CFDP1: variants seen among roughly 807,000 people sequenced by gnomAD.
CFDP1 encodes the protein heterochromatin-stabilizing protein CFDP1.
CFDP1 carries 31 observed loss-of-function variants against 40.1 expected under a neutral mutation model. The ratio of observed to expected loss-of-function variants is 0.77; its 90% CI spans 0.58 to 1.04. CFDP1 has a LOEUF of 1.04. Among genes scored for constraint, CFDP1 ranks in the 50% least tolerant of loss-of-function variants. The probability of loss-of-function intolerance (pLI) is 0.00; values close to 1 mark genes in which losing one functional copy is unlikely to be tolerated. For synonymous variants in CFDP1, 167 were observed against 120.0 expected, an observed-to-expected ratio of 1.39 and a Z score of -2.56; for missense variants, 423 against 343.4, an observed-to-expected ratio of 1.23 and a Z score of -1.83.
intron 1 of CFDP1, among the ~76,000 whole-genome samples, chr16:75,416,838 G>A (rs2079211921): frequency 8.6e-6 from 1 of 116,258 alleles, no homozygotes; most frequent in Admixed American, 1.0e-4. Context: ...ATTTGAGGCT[G>A]AGGTGGAAAC....
chr16:75,303,821 T>G lies in CFDP1; in HGVS notation c.809+1203A>C, dbSNP rs568927135. On this transcript the variant is annotated intron_variant, in intron 6 of 6. Coordinates refer to ENST00000283882, the MANE Select transcript of CFDP1 (RefSeq NM_006324.3). ...GAGGATGGTATCGTTATCCCAGTTTTATTGGTAAAGGAGCTGAGCCTCAGA... is the reference window on the plus strand; with the variant it reads ...GAGGATGGTATCGTTATCCCAGTTTGATTGGTAAAGGAGCTGAGCCTCAGA... Among the ~76,000 whole-genome samples, 20 of 152,298 alleles carry G rather than the reference T, an allele frequency of 1.3e-4. No individual in the cohort carries two copies. The South Asian group carries it at 1.9e-3, about 14-fold the overall frequency.
intron 4 of CFDP1, among the ~76,000 whole-genome samples, chr16:75,396,958 G>C (rs1445141701): frequency 6.6e-6 from 1 of 151,988 alleles, no homozygotes; most frequent in African/African-American, 2.4e-5. Context: ...CTGTCGCCTA[G>C]GCTGGAGTGC....
intron 5 of CFDP1, among the ~76,000 whole-genome samples, chr16:75,335,717 C>T (rs937442435): frequency 6.6e-6 from 1 of 152,034 alleles, no homozygotes; most frequent in African/African-American, 2.4e-5. Flanking sequence ...CCACCATGCC[C>T]GGATAATTTT....
At chr16:75,363,935 G>A (rs1379085193) in intron 5 of CFDP1, among the ~76,000 whole-genome samples, 2 of 86,688 alleles carry the variant, frequency 2.3e-5, no homozygotes, top group African/African-American at 4.1e-5. Flanking sequence ...GGGGAGAAAA[G>A]AGGTGAAACA....
At chr16:75,364,661 T>C (rs184802238) in intron 5 of CFDP1, among the ~76,000 whole-genome samples, 20 of 152,348 alleles carry the variant, frequency 1.3e-4, no homozygotes, top group Admixed American at 1.0e-3. Context: ...GCCACTCTTC[T>C]CACAACATTT....
intron 5 of CFDP1, among the ~76,000 whole-genome samples, chr16:75,314,375 C>T (rs1663938380): frequency 6.6e-6 from 1 of 152,200 alleles, no homozygotes; most frequent in South Asian, 2.1e-4. Context: ...GAACAAAGGA[C>T]CATATATTGT....
intron 1 of CFDP1, among the ~76,000 whole-genome samples, chr16:75,418,850 C>G (rs1327420016): frequency 2.0e-5 from 3 of 151,908 alleles, no homozygotes; most frequent in African/African-American, 7.3e-5. Context: ...AGATCAAGGC[C>G]AGGTGCAGTG....
chr16:75,296,581 TGG>T (rs893379116), intron 6 of CFDP1, among the ~76,000 whole-genome samples: 3 of 152,200 alleles, frequency 2.0e-5, no homozygotes, highest in African/African-American at 7.2e-5. Flanking sequence ...GGATGCTAAC[TGG>T]GTACGAATAA....
intron 4 of CFDP1, among the ~76,000 whole-genome samples, chr16:75,408,835 T>C (rs1030507863): frequency 2.6e-5 from 4 of 152,038 alleles, no homozygotes; most frequent in Admixed American, 1.3e-4. Flanking sequence ...CATTTAATAC[T>C]GAGAATTGAT....
intron 5 of CFDP1, chr16:75,391,149 G>C (rs922866342): frequency 6.6e-6 from 1 of 152,170 alleles, no homozygotes; most frequent in South Asian, 2.1e-4. Context: ...GTAGCAAAGA[G>C]TATTTTCTGA....
intron 5 of CFDP1, among the ~76,000 whole-genome samples, chr16:75,339,273 T>C (rs2078510364): frequency 6.6e-6 from 1 of 152,196 alleles, no homozygotes; most frequent in South Asian, 2.1e-4. Flanking sequence ...GTATCCATTC[T>C]GCTACTCAAC....
intron 5 of CFDP1, among the ~76,000 whole-genome samples, chr16:75,328,723 G>A (rs1485075187): frequency 6.7e-6 from 1 of 150,006 alleles, no homozygotes; most frequent in African/African-American, 2.5e-5. Flanking sequence ...CTGTCACCCA[G>A]GCTGGAGTAC....
At chr16:75,429,481 C>T (rs2079383860) in intron 1 of CFDP1, among the ~76,000 whole-genome samples, 1 of 152,110 alleles carries the variant, frequency 6.6e-6, no homozygotes, top group Non-Finnish European at 1.5e-5. Flanking sequence ...TGGTGAAACC[C>T]CGTCTCTACT....
In CFDP1 at chr16:75,414,602, C is replaced by CT; in HGVS notation, c.157dup (p.Arg53LysfsTer31). ...CCTGGCTGGAATGCTCTGGGCCTTTCTTTTTTTCCCTTGGGTTTTCTGTGT... is the reference window on the plus strand; with the variant it reads ...CCTGGCTGGAATGCTCTGGGCCTTTCTTTTTTTTCCCTTGGGTTTTCTGTGT... On this transcript the variant is annotated frameshift_variant, in exon 2 of 7. Transcript: ENST00000283882. LOFTEE classifies it high-confidence loss of function. 6.2e-7 allele frequency: 1 copy of CT among 1,613,470 alleles called. No individual in the cohort carries two copies. The highest frequency in any genetic ancestry group is 8.5e-7 in the Non-Finnish European group (1 of 1,179,458).
intron 1 of CFDP1, among the ~76,000 whole-genome samples, chr16:75,417,342 T>C (rs1404339165): frequency 6.6e-6 from 1 of 152,168 alleles, no homozygotes; most frequent in African/African-American, 2.4e-5. Flanking sequence ...AGTAAGTGAC[T>C]GGCTGAAAAT....
At chr16:75,320,194 C>T (rs989292787) in intron 5 of CFDP1, among the ~76,000 whole-genome samples, 1 of 152,188 alleles carries the variant, frequency 6.6e-6, no homozygotes, top group African/African-American at 2.4e-5. Flanking sequence ...AGGTTCATCC[C>T]ATCCCTACTG....
At chr16:75,316,580 A>AG (rs1232390465) in intron 5 of CFDP1, among the ~76,000 whole-genome samples, 2 of 151,384 alleles carry the variant, frequency 1.3e-5, no homozygotes, top group East Asian at 3.9e-4. Context: ...AAAAAAAAAA[A>AG]AAAAAAAAAA....
At chr16:75,431,731 G>C (rs1423060685) in intron 1 of CFDP1, among the ~76,000 whole-genome samples, 1 of 152,174 alleles carries the variant, frequency 6.6e-6, no homozygotes, top group Non-Finnish European at 1.5e-5. Context: ...GAAGGTGGAA[G>C]TGTTTGTGTG....
intron 1 of CFDP1, among the ~76,000 whole-genome samples, chr16:75,428,933 G>C (rs933738617): frequency 6.6e-6 from 1 of 151,604 alleles, no homozygotes; most frequent in South Asian, 2.1e-4. Context: ...TGGCCAACAT[G>C]GTGAAATCCC....
Sources: allele counts gnomAD v4.1 joint callset (sites outside exome capture counted in the v4.1 genomes callset), GRCh38; gene constraint gnomAD v4.1.1; transcripts MANE v1.5; gene names NCBI Gene and HGNC (gene_info 2026-07-23, HGNC 2026-07-21).